Variants in MAGI2 observed in about 807,000 individuals in gnomAD.
MAGI2 encodes membrane associated guanylate kinase, WW and PDZ domain containing 2, also known as membrane-associated guanylate kinase, WW and PDZ domain-containing protein 2.
MAGI2 carries 35 observed loss-of-function variants against 133.3 expected under a neutral mutation model. The ratio of observed to expected loss-of-function variants is 0.26; its 90% CI spans 0.20 to 0.35. The LOEUF (loss-of-function observed/expected upper bound fraction) is 0.35, where lower values mean the gene tolerates loss of function less well. Among genes scored for constraint, MAGI2 ranks in the 10% least tolerant of loss-of-function variants. The probability of loss-of-function intolerance (pLI) is 1.00; values close to 1 mark genes in which losing one functional copy is unlikely to be tolerated. For synonymous variants in MAGI2, 729 were observed against 710.6 expected (o/e 1.03, Z -0.41); for missense variants, 1,636 against 1,863.4 (o/e 0.88, Z 2.25).
intron 1 of MAGI2, among the ~76,000 whole-genome samples, chr7:79,115,867 T>G (rs1053330921): frequency 2.7e-5 from 4 of 149,208 alleles, no homozygotes; most frequent in South Asian, 4.2e-4. Flanking sequence ...TTTTTTTTTT[T>G]TTTTTTTTTT....
chr7:78,361,038 G>A (rs1792728943), intron 7 of MAGI2, among the ~76,000 whole-genome samples: 1 of 152,056 alleles, frequency 6.6e-6, no homozygotes, highest in Non-Finnish European at 1.5e-5. Context: ...GTGCTATTGT[G>A]CTATTTGTCT....
intron 7 of MAGI2, among the ~76,000 whole-genome samples, chr7:78,361,841 T>C (rs987177338): frequency 6.6e-6 from 1 of 152,160 alleles, no homozygotes; most frequent in Non-Finnish European, 1.5e-5. Context: ...CAAATGTCGA[T>C]TCTGCTAGAA....
chr7:79,133,905 A>C (rs1246416636), intron 1 of MAGI2, among the ~76,000 whole-genome samples: 2 of 152,164 alleles, frequency 1.3e-5, no homozygotes, highest in Non-Finnish European at 2.9e-5. Context: ...GTAATAACTA[A>C]AGTGTCTATC....
intron 2 of MAGI2, among the ~76,000 whole-genome samples, chr7:78,739,974 C>T (rs909361301): frequency 9.2e-5 from 14 of 151,988 alleles, no homozygotes; most frequent in Non-Finnish European, 2.1e-4. Flanking sequence ...CTGGCTAACA[C>T]GGTGAAACCC....
intron 1 of MAGI2, among the ~76,000 whole-genome samples, chr7:79,130,037 A>T (rs931077605): frequency 6.6e-6 from 1 of 152,044 alleles, no homozygotes; most frequent in Non-Finnish European, 1.5e-5. Context: ...ATGGTGGCTC[A>T]CACTTGTAAT....
chr7:78,247,424 A>ATAACTCTGTAAC (rs1443628727), intron 10 of MAGI2, among the ~76,000 whole-genome samples: 4 of 152,216 alleles, frequency 2.6e-5, no homozygotes, highest in African/African-American at 9.7e-5. Context: ...AAGGAACACA[A>ATAACTCTGTAAC]TAACTCTGTA....
intron 2 of MAGI2, among the ~76,000 whole-genome samples, chr7:78,886,367 A>G (rs1367400434): frequency 6.6e-6 from 1 of 152,238 alleles, no homozygotes; most frequent in Non-Finnish European, 1.5e-5. Context: ...GACAACTTTA[A>G]TGAGTCTTTA....
intron 2 of MAGI2, among the ~76,000 whole-genome samples, chr7:78,779,246 C>T (rs561638487): frequency 6.6e-6 from 1 of 151,720 alleles, no homozygotes; most frequent in Admixed American, 6.6e-5. Flanking sequence ...CAAACAGCAA[C>T]TTTTTTTTTC....
intron 2 of MAGI2, among the ~76,000 whole-genome samples, chr7:78,672,490 A>G (rs557554182): frequency 1.3e-5 from 2 of 152,322 alleles, no homozygotes; most frequent in South Asian, 2.1e-4. Flanking sequence ...ACAGAAGATA[A>G]GACAGATGAA....
chr7:78,700,181 A>G (rs547684901), intron 2 of MAGI2, among the ~76,000 whole-genome samples: 1 of 152,302 alleles, frequency 6.6e-6, no homozygotes, highest in South Asian at 2.1e-4. Context: ...TTCAAGTCAG[A>G]TTACATTTGA....
intron 6 of MAGI2, among the ~76,000 whole-genome samples, chr7:78,433,330 T>C (rs1005678886): frequency 1.3e-5 from 2 of 152,044 alleles, no homozygotes; most frequent in African/African-American, 2.4e-5. Flanking sequence ...TTGTATAAAA[T>C]ATACCTTTCA....
At chr7:79,315,930 T>G (rs1324280864) in intron 1 of MAGI2, among the ~76,000 whole-genome samples, 2 of 152,100 alleles carry the variant, frequency 1.3e-5, no homozygotes, top group Non-Finnish European at 2.9e-5. Context: ...ACCATTCCAG[T>G]GTAGGAGGCA....
At position 79,191,199 on chromosome 7, in the gene MAGI2, A is replaced by G. The variant is rs553099915; in HGVS notation, c.302-183993T>C. Among the ~76,000 whole-genome samples, 7 of 151,434 alleles carry G rather than the reference A, an allele frequency of 4.6e-5. No homozygotes were observed. In the South Asian group the frequency reaches 1.5e-3, roughly 31 times the overall value. On this transcript the variant is annotated intron_variant, in intron 1 of 21. Transcript: ENST00000354212. ...ACACAGATCTCATATTTATTTTGTT[A>G]CTTTCCCATGTATATCCCATTTTAC...
At chr7:79,182,843 T>C (rs1459191787) in intron 1 of MAGI2, among the ~76,000 whole-genome samples, 1 of 151,970 alleles carries the variant, frequency 6.6e-6, no homozygotes, top group Admixed American at 6.6e-5. Flanking sequence ...AAATGTGGTA[T>C]ATATGCAATG....
At chr7:79,203,526 T>C (rs1203393756) in intron 1 of MAGI2, among the ~76,000 whole-genome samples, 1 of 152,004 alleles carries the variant, frequency 6.6e-6, no homozygotes, top group African/African-American at 2.4e-5. Context: ...AAAAAACTCC[T>C]TGCAATTTGT....
chr7:79,194,940 G>T (rs185331511), intron 1 of MAGI2, among the ~76,000 whole-genome samples: 5 of 152,030 alleles, frequency 3.3e-5, no homozygotes, highest in African/African-American at 2.4e-5. Flanking sequence ...ATAAAATGAA[G>T]TTATTATAAC....
chr7:79,379,908 A>G (rs991892725), intron 1 of MAGI2, among the ~76,000 whole-genome samples: 16 of 149,644 alleles, frequency 1.1e-4, no homozygotes, highest in African/African-American at 3.4e-4. Context: ...AGGATTCCCT[A>G]TTTAATAAAT....
intron 2 of MAGI2, among the ~76,000 whole-genome samples, chr7:78,648,163 A>G (rs1016107632): frequency 2.0e-5 from 3 of 152,220 alleles, no homozygotes; most frequent in African/African-American, 7.2e-5. Flanking sequence ...TTACACTACA[A>G]AATTTCCAAA....
intron 1 of MAGI2, chr7:79,125,639 T>A (rs1820346635): frequency 1.9e-6 from 1 of 524,396 alleles, no homozygotes; most frequent in Non-Finnish European, 3.8e-6. Context: ...GGAACTATGA[T>A]AATTTTGGAA....
Sources: allele counts gnomAD v4.1 joint callset (sites outside exome capture counted in the v4.1 genomes callset), GRCh38; gene constraint gnomAD v4.1.1; transcripts MANE v1.5; gene names NCBI Gene and HGNC (gene_info 2026-07-23, HGNC 2026-07-21).